MX2: variants seen among roughly 807,000 people sequenced by gnomAD.
MX2 encodes the protein MX dynamin like GTPase 2.
A neutral mutation model predicts 74.0 loss-of-function variants in MX2; 51 were observed. The observed-to-expected ratio is 0.69, with a 90% CI of 0.55 to 0.87. MX2 has a LOEUF of 0.87. Among genes scored for constraint, MX2 ranks in the 40% least tolerant of loss-of-function variants. MX2 has a pLI of 0.00. For synonymous variants in MX2, 369 were observed against 339.3 expected (o/e 1.09, Z -0.96); for missense variants, 832 against 908.7 (o/e 0.92, Z 1.09).
At position 41,380,173 on chromosome 21, in the gene MX2, G is replaced by T; in HGVS notation, c.577+22G>T. On this transcript the variant is annotated intron_variant, in intron 4 of 13. Coordinates refer to ENST00000330714, the MANE Select transcript of MX2 (RefSeq NM_002463.2). This position sits in a 1 kb window ranked among gnomAD's most constrained non-coding sequence, Gnocchi z 4.3. ...AAAGGTGGGCCCACGTCATTCTGAG[G>T]TTCGGATCTGGCAGCCGCTCCTCTC... 6.2e-7 allele frequency: 1 copy of T among 1,613,284 alleles called. No individual in the cohort carries two copies. Among genetic ancestry groups the T allele is most frequent in the Non-Finnish European group, 8.5e-7 (1 of 1,179,492 alleles).
At chr21:41,398,505 G>A (rs1253137182) in intron 8 of MX2, among the ~76,000 whole-genome samples, 1 of 152,184 alleles carries the variant, frequency 6.6e-6, no homozygotes, top group East Asian at 1.9e-4. Context: ...CTTCACAAAT[G>A]AGGCCAAGCA....
At position 41,388,014 on chromosome 21, in the gene MX2, G is replaced by A. The variant is rs752372499; in HGVS notation, c.733-2551G>A. ...CTTCAAATAACACACCCAGGCCCAC[G>A]TCTCCTCCCACTTCCACCAGCACCC... On this transcript the variant is annotated intron_variant, in intron 5 of 13. Coordinates refer to ENST00000330714, the MANE Select transcript of MX2 (RefSeq NM_002463.2). This position sits in a 1 kb window ranked among gnomAD's most constrained non-coding sequence, Gnocchi z 4.0. Among the ~76,000 whole-genome samples the A allele has an allele frequency of 5.9e-5, 9 of 152,066 alleles. No homozygotes were observed. Among genetic ancestry groups the A allele is most frequent in the African/African-American group, 9.6e-5 (4 of 41,458 alleles).
chr21:41,408,513 C>T lies in MX2; in HGVS notation c.*280C>T, dbSNP rs542194294. 3.7e-4 allele frequency: 145 copies of T among 387,498 alleles called. 1 individual carries two copies. The highest frequency in any genetic ancestry group is 2.0e-3 in the African/African-American group (99 of 48,866). 24.0% of individuals were successfully genotyped at this position (387,498 alleles called of 1,614,324 possible). ...GTCCTAAGATACTGCTATCATTCTT[C>T]GCTAATTTGTATTTGTATTCCCTTC... is the stretch of plus-strand genomic sequence containing the variant. On this transcript the variant is annotated 3_prime_UTR_variant, in exon 14 of 14. Transcript: ENST00000330714.
chr21:41,382,808 T>C (rs2089515280), intron 5 of MX2, among the ~76,000 whole-genome samples: 1 of 152,240 alleles, frequency 6.6e-6, no homozygotes, highest in African/African-American at 2.4e-5. Context: ...CCCTGCCCAG[T>C]CATTCAGGAC....
chr21:41,367,821 C>T (rs989156228), intron 1 of MX2, among the ~76,000 whole-genome samples: 4 of 152,160 alleles, frequency 2.6e-5, no homozygotes, highest in Non-Finnish European at 5.9e-5. Context: ...TTATCAAGGC[C>T]TTGCTGTCCT....
chr21:41,402,855 C>T lies in MX2; in HGVS notation c.1574-412C>T. Reference sequence around the variant, plus strand: ...ACCTAGATCCCTCGCACGTGCAGCTCACAACAGGGTTTGTGCTCCTGTGAG... The same window carrying T: ...ACCTAGATCCCTCGCACGTGCAGCTTACAACAGGGTTTGTGCTCCTGTGAG... On this transcript the variant is annotated intron_variant, in intron 11 of 13. Coordinates refer to ENST00000330714, the MANE Select transcript of MX2 (RefSeq NM_002463.2). The surrounding 1 kb of genome is among the most constrained non-coding windows in gnomAD (Gnocchi z 4.5). 5.1e-6 allele frequency: 1 copy of T among 196,946 alleles called. No individual in the cohort carries two copies. Among genetic ancestry groups the T allele is most frequent in the Non-Finnish European group, 1.1e-5 (1 of 93,760 alleles). 12.2% of individuals were successfully genotyped at this position (196,946 alleles called of 1,614,324 possible). A position where few individuals can be genotyped will look rare whatever the true frequency, so the allele number is the denominator to read the frequency against.
rs1461154362 is a variant in MX2 at position 41,368,110 on chromosome 21, C to T, written c.-72+6055C>T. 1.3e-5 allele frequency among the ~76,000 whole-genome samples: 2 copies of T among 152,212 alleles called. No homozygotes were observed. The highest frequency in any genetic ancestry group is 4.8e-5 in the African/African-American group (2 of 41,452). On this transcript the variant is annotated intron_variant, in intron 1 of 13. Coordinates refer to ENST00000330714, the MANE Select transcript of MX2 (RefSeq NM_002463.2). This position sits in a 1 kb window ranked among gnomAD's most constrained non-coding sequence, Gnocchi z 4.6. ...GAAGCTCCCACGTGGGGACCAAGCC[C>T]TGGAGAGGAACCCACAGTGCAGCGG...
Position 41,388,800 on chromosome 21 carries a change from C to G in MX2, c.733-1765C>G, listed in dbSNP as rs912153660. Among the ~76,000 whole-genome samples the G allele has an allele frequency of 1.5e-4, 23 of 152,192 alleles. No homozygotes were observed. Among genetic ancestry groups the G allele is most frequent in the Non-Finnish European group, 3.1e-4 (21 of 68,040 alleles). The stretch of plus-strand genomic sequence containing the variant: ...GCATTAAATACGGTGATTCCCAGCC[C>G]AGAGCTTTTGTACCCCCAGGGGACA... On this transcript the variant is annotated intron_variant, in intron 5 of 13. Coordinates refer to ENST00000330714, the MANE Select transcript of MX2 (RefSeq NM_002463.2). This position sits in a 1 kb window ranked among gnomAD's most constrained non-coding sequence, Gnocchi z 4.0.
Position 41,397,668 on chromosome 21 carries a change from A to C in MX2, c.1126A>C (p.Thr376Pro), listed in dbSNP as rs199541902. Residue 376 changes from threonine to proline, a missense_variant, in exon 8 of 14, where the codon ACT (threonine) becomes CCT (proline). Coordinates refer to ENST00000330714, the MANE Select transcript of MX2 (RefSeq NM_002463.2). ...TCCCCGACTGGCAGAAAGACTTACC[A>C]CTGAACTCATCATGCATATCCAAGT... ...TVPRLAERLT[T>P]ELIMHIQKSL... The C allele has an allele frequency of 6.2e-7, 1 of 1,614,132 alleles. No homozygotes were observed. The highest frequency in any genetic ancestry group is 8.5e-7 in the Non-Finnish European group (1 of 1,179,992).
At chr21:41,362,340 G>C (rs988861848) in intron 1 of MX2, among the ~76,000 whole-genome samples, 1 of 152,078 alleles carries the variant, frequency 6.6e-6, no homozygotes, top group East Asian at 1.9e-4. Context: ...TCGGGTGGAC[G>C]CAAAGGGGTG....
intron 1 of MX2, chr21:41,373,965 C>T (rs2089362511): frequency 6.6e-6 from 1 of 152,480 alleles, no homozygotes; most frequent in South Asian, 2.1e-4. Context: ...ACAGCGCAGT[C>T]CCTGCTCTCA....
chr21:41,377,872 T>A lies in MX2; in HGVS notation c.333T>A (p.Gly111=). Residue 111 remains glycine (G), a synonymous_variant, in exon 3 of 14, where the codon GGT becomes GGA. Coordinates refer to ENST00000330714, the MANE Select transcript of MX2 (RefSeq NM_002463.2). Reference sequence around the variant, plus strand: ...TCATCGACTCCCTGCGGGCTCTGGGTGTGGAGCAGGACCTGGCCCTGCCAG... The same window carrying A: ...TCATCGACTCCCTGCGGGCTCTGGGAGTGGAGCAGGACCTGGCCCTGCCAG... The part of the protein sequence containing the change: ...IDLIDSLRAL[G]VEQDLALPAI... 6.2e-7 allele frequency: 1 copy of A among 1,613,898 alleles called. No homozygotes were observed. The highest frequency in any genetic ancestry group is 1.7e-5 in the Admixed American group (1 of 59,984).
rs190621133 is a variant in MX2, at chr21:41,388,326, G to C, written c.733-2239G>C. On this transcript the variant is annotated intron_variant, in intron 5 of 13. Coordinates refer to ENST00000330714, the MANE Select transcript of MX2 (RefSeq NM_002463.2). This position sits in a 1 kb window ranked among gnomAD's most constrained non-coding sequence, Gnocchi z 4.0. ...CCTCGCTCCACCCTACCACATCCGGGTTCTGCGGCCCTTGGTCCCTCTGGC... is the reference window on the plus strand; with the variant it reads ...CCTCGCTCCACCCTACCACATCCGGCTTCTGCGGCCCTTGGTCCCTCTGGC... Among the ~76,000 whole-genome samples, 48 of 152,286 alleles carry C rather than the reference G, an allele frequency of 3.2e-4. No individual in the cohort carries two copies. Among genetic ancestry groups the C allele is most frequent in the African/African-American group, 1.1e-3 (47 of 41,570 alleles).
chr21:41,385,976 C>G (rs1342380776), intron 5 of MX2, among the ~76,000 whole-genome samples: 1 of 151,904 alleles, frequency 6.6e-6, no homozygotes, highest in Non-Finnish European at 1.5e-5. Flanking sequence ...TCAGAGCTGC[C>G]ACAAACCTTT....
chr21:41,400,193 A>T (rs1268098480), intron 10 of MX2, among the ~76,000 whole-genome samples: 1 of 152,164 alleles, frequency 6.6e-6, no homozygotes, highest in Non-Finnish European at 1.5e-5. Flanking sequence ...AGAGCTCAGC[A>T]TGGGTGCCAG....
At chr21:41,382,611 A>G (rs2145900941) in intron 5 of MX2, 47 bp downstream of exon 5, 1 of 1,610,278 alleles carries the variant, frequency 6.2e-7, no homozygotes, top group East Asian at 2.2e-5. Flanking sequence ...AAGTGGGGGA[A>G]GGGTCAGAGG....
Position 41,402,187 on chromosome 21 carries a change from G to GGTA in MX2, c.1573+59_1573+60insGTA. 3 of 1,541,234 alleles carry GGTA rather than the reference G, an allele frequency of 1.9e-6. No homozygotes were observed. The highest frequency in any genetic ancestry group is 2.6e-6 in the Non-Finnish European group (3 of 1,142,934). The stretch of plus-strand genomic sequence containing the variant: ...ACTCTCATACCTTCCATAGACCCCA[G>GGTA]TGCCTTGGAGGGAGAGATTGGAATG... On this transcript the variant is annotated intron_variant, in intron 11 of 13. Coordinates refer to ENST00000330714, the MANE Select transcript of MX2 (RefSeq NM_002463.2). This position sits in a 1 kb window ranked among gnomAD's most constrained non-coding sequence, Gnocchi z 4.5.
At position 41,380,161 on chromosome 21, in the gene MX2, C is replaced by G. The variant is rs762542046; in HGVS notation, c.577+10C>G. The G allele has an allele frequency of 6.9e-5, 111 of 1,613,442 alleles. No individual in the cohort carries two copies. Among genetic ancestry groups the G allele is most frequent in the Non-Finnish European group, 2.6e-5 (31 of 1,179,706 alleles). ...AAAGAGATACACAAAGGTGGGCCCA[C>G]GTCATTCTGAGGTTCGGATCTGGCA... On this transcript the variant is annotated intron_variant, in intron 4 of 13. Transcript: ENST00000330714. This position sits in a 1 kb window ranked among gnomAD's most constrained non-coding sequence, Gnocchi z 4.3.
At chr21:41,389,754 C>T (rs1346399933) in intron 5 of MX2, 2 of 152,060 alleles carry the variant, frequency 1.3e-5, no homozygotes, top group Non-Finnish European at 2.9e-5. Context: ...GTCTTCTGTG[C>T]ACAACTTAAA....
Sources: allele counts gnomAD v4.1 joint callset (sites outside exome capture counted in the v4.1 genomes callset), GRCh38; gene constraint gnomAD v4.1.1; non-coding constraint Gnocchi (gnomAD v3.1); transcripts MANE v1.5; gene names NCBI Gene and HGNC (gene_info 2026-07-23, HGNC 2026-07-21).